Variants in ITPR1 observed in about 807,000 individuals in gnomAD.
ITPR1 encodes inositol 1,4,5-trisphosphate receptor type 1.
In ITPR1, 96 loss-of-function variants were observed where a neutral mutation model predicts 318.4. The observed-to-expected ratio is 0.30, with a 90% CI of 0.26 to 0.36. The LOEUF (loss-of-function observed/expected upper bound fraction) is 0.36, where lower values mean the gene tolerates loss of function less well. Among genes scored for constraint, ITPR1 ranks in the 10% least tolerant of loss-of-function variants. ITPR1 has a pLI of 1.00. For synonymous variants in ITPR1, 1,312 were observed against 1,289.9 expected (o/e 1.02, Z -0.37); for missense variants, 2,440 against 3,460.2 (o/e 0.71, Z 7.40).
rs35795762 is a variant in ITPR1 at position 4,697,315 on chromosome 3, GGTGTGT to G, written c.4407+76_4407+81del. 3.0e-3 allele frequency: 2,598 copies of G among 863,748 alleles called. 5 individuals are homozygous for G. The highest frequency in any genetic ancestry group is 0.016 in the African/African-American group (943 of 60,438). 53.5% of individuals were successfully genotyped at this position (863,748 alleles called of 1,614,324 possible). A position where few individuals can be genotyped will look rare whatever the true frequency, so the allele number is the denominator to read the frequency against. ...GAGGAGGCAGAGTTGGAGAGTGAGA[GGTGTGT>G]GTGTGTGTGTGTGTGTGTGTGTGTG... On this transcript the variant is annotated intron_variant, in intron 34 of 61. Coordinates refer to ENST00000649015, the MANE Select transcript of ITPR1 (RefSeq NM_001378452.1).
At chr3:4,749,817 C>A (rs748491906) in intron 44 of ITPR1, 1 of 152,700 alleles carries the variant, frequency 6.5e-6, no homozygotes, top group Non-Finnish European at 1.5e-5. Flanking sequence ...CCTATAAGCA[C>A]GTGCTCCTTT....
intron 4 of ITPR1, among the ~76,000 whole-genome samples, chr3:4,599,828 C>T (rs987285628): frequency 6.6e-6 from 1 of 152,150 alleles, no homozygotes; most frequent in African/African-American, 2.4e-5. Flanking sequence ...TTGGAGTGGA[C>T]AGTGTCAGGT....
At chr3:4,534,816 T>G (rs1197519036) in intron 4 of ITPR1, among the ~76,000 whole-genome samples, 1 of 152,090 alleles carries the variant, frequency 6.6e-6, no homozygotes, top group African/African-American at 2.4e-5. Context: ...GGTCCTCTCC[T>G]CCCCCTATAA....
rs1356832891 is a variant in ITPR1 at position 4,846,832 on chromosome 3, T to G, written c.*607T>G. 1 of 152,668 alleles carries G rather than the reference T, an allele frequency of 6.6e-6. No individual in the cohort carries two copies. Among genetic ancestry groups the G allele is most frequent in the African/African-American group, 2.4e-5 (1 of 41,458 alleles). The allele number at this position is 152,668 out of a possible 1,614,324, so 9.5% of individuals were successfully genotyped here. Reference sequence around the variant, plus strand: ...CGTCTCCTAGTGATAATGCTCCAAGTCTATGAACTGTTAAATCAGCATTCA... The same window carrying G: ...CGTCTCCTAGTGATAATGCTCCAAGGCTATGAACTGTTAAATCAGCATTCA... On this transcript the variant is annotated 3_prime_UTR_variant, in exon 62 of 62. Coordinates refer to ENST00000649015, the MANE Select transcript of ITPR1 (RefSeq NM_001378452.1).
chr3:4,736,660 G>C (rs960393252), intron 44 of ITPR1, among the ~76,000 whole-genome samples: 1 of 152,206 alleles, frequency 6.6e-6, no homozygotes, highest in Non-Finnish European at 1.5e-5. Flanking sequence ...CGTACACGTT[G>C]GGATTGCTTT....
At chr3:4,642,486 G>T (rs1446063175) in intron 7 of ITPR1, among the ~76,000 whole-genome samples, 1 of 152,186 alleles carries the variant, frequency 6.6e-6, no homozygotes, top group African/African-American at 2.4e-5. Context: ...TGTATGAACA[G>T]CCCATTGCGT....
chr3:4,619,617 CCTGCTCTCCT>C (rs2092529329), intron 4 of ITPR1, among the ~76,000 whole-genome samples: 1 of 43,166 alleles, frequency 2.3e-5, no homozygotes, highest in African/African-American at 1.3e-4. Flanking sequence ...TCTGCCCTCC[CCTGCTCTCCT>C]CTGCTCTCCC....
chr3:4,563,517 TAAA>T (rs1211821199), intron 4 of ITPR1, among the ~76,000 whole-genome samples: 1 of 151,762 alleles, frequency 6.6e-6, no homozygotes, highest in Non-Finnish European at 1.5e-5. Context: ...TCAAAAAAAA[TAAA>T]AAAGCAATTT....
chr3:4,779,723 C>T lies in ITPR1; in HGVS notation c.6387+78C>T. 1 of 994,706 alleles carries T rather than the reference C, an allele frequency of 1.0e-6. No individual in the cohort carries two copies. Among genetic ancestry groups the T allele is most frequent in the East Asian group, 2.5e-5 (1 of 40,142 alleles). 61.6% of individuals were successfully genotyped at this position (994,706 alleles called of 1,614,324 possible). A position where few individuals can be genotyped will look rare whatever the true frequency, so the allele number is the denominator to read the frequency against. Reference sequence around the variant, plus strand: ...TTGGGACAGAGCAGAGGATCTGCTTCCTGGAGCTTTCTTGAAGGTTCCCAA... The same window carrying T: ...TTGGGACAGAGCAGAGGATCTGCTTTCTGGAGCTTTCTTGAAGGTTCCCAA... On this transcript the variant is annotated intron_variant, in intron 49 of 61. Transcript: ENST00000649015. This position sits in a 1 kb window ranked among gnomAD's most constrained non-coding sequence, Gnocchi z 4.0.
At chr3:4,828,716 G>T (rs1460897360) in intron 60 of ITPR1, among the ~76,000 whole-genome samples, 1 of 152,160 alleles carries the variant, frequency 6.6e-6, no homozygotes, top group East Asian at 1.9e-4. Context: ...TCTCTCTGCT[G>T]GGATGAGCCC....
intron 2 of ITPR1, among the ~76,000 whole-genome samples, chr3:4,504,752 G>A (rs149181695): frequency 2.1e-3 from 320 of 152,290 alleles, no homozygotes; most frequent in African/African-American, 7.3e-3. Context: ...AGCAGAGACT[G>A]TTGTAAAGGG....
chr3:4,566,702 C>T (rs1176523693), intron 4 of ITPR1, among the ~76,000 whole-genome samples: 1 of 151,950 alleles, frequency 6.6e-6, no homozygotes, highest in Non-Finnish European at 1.5e-5. Context: ...GAATGCAATG[C>T]AGATTCTTTC....
intron 4 of ITPR1, among the ~76,000 whole-genome samples, chr3:4,590,926 G>A (rs1371859489): frequency 3.3e-5 from 5 of 152,034 alleles, no homozygotes; most frequent in African/African-American, 9.7e-5. Flanking sequence ...GTTTCCTTGT[G>A]TTCATAAGTT....
rs79705752 is a variant in ITPR1 at position 4,644,807 on chromosome 3, G to A, written c.624+573G>A. ...TGTCTGCCTTTCCAAGCTCTGTGAC[G>A]GCAGGTTGGTTACCCGGTCTCCCTG... On this transcript the variant is annotated intron_variant, in intron 8 of 61. Transcript: ENST00000649015. Among the ~76,000 whole-genome samples the A allele has an allele frequency of 3.3e-3, 509 of 152,246 alleles. 4 individuals carry two copies. Among genetic ancestry groups the A allele is most frequent in the African/African-American group, 0.011 (462 of 41,560 alleles).
chr3:4,845,400 C>G (rs922122954), intron 61 of ITPR1, among the ~76,000 whole-genome samples: 1 of 152,080 alleles, frequency 6.6e-6, no homozygotes, highest in African/African-American at 2.4e-5. Flanking sequence ...GTCTAGAGAC[C>G]CATCAACATG....
chr3:4,661,931 C>A (rs373703186), intron 14 of ITPR1, 151 bp from the exon 15 acceptor site: 4 of 574,988 alleles, frequency 7.0e-6, no homozygotes, highest in Non-Finnish European at 1.2e-5. Flanking sequence ...ATTTGGAGTA[C>A]GTCCTTGTAG....
In ITPR1 at chr3:4,754,060, G is replaced by T. The variant is rs933598558; in HGVS notation, c.5545-12470G>T. On this transcript the variant is annotated intron_variant, in intron 44 of 61. Coordinates refer to ENST00000649015, the MANE Select transcript of ITPR1 (RefSeq NM_001378452.1). ...CAAACACAGAAAATGGGGGGGGGGT[G>T]GCAAGGATTATTCTTGGCATCTGTA... Among the ~76,000 whole-genome samples, 147 of 68,482 alleles carry T rather than the reference G, an allele frequency of 2.1e-3. 1 individual carries two copies. The highest frequency in any genetic ancestry group is 5.4e-3 in the African/African-American group (137 of 25,362). 44.9% of individuals were successfully genotyped at this position (68,482 alleles called of 152,430 possible). A position where few individuals can be genotyped will look rare whatever the true frequency, so the allele number is the denominator to read the frequency against.
chr3:4,683,118 A>C (rs975467702), intron 26 of ITPR1, among the ~76,000 whole-genome samples: 1 of 152,238 alleles, frequency 6.6e-6, no homozygotes, highest in African/African-American at 2.4e-5. Flanking sequence ...CACCCTATGT[A>C]GATGTTGAGA....
At chr3:4,532,334 A>G (rs1336194426) in intron 4 of ITPR1, among the ~76,000 whole-genome samples, 1 of 152,144 alleles carries the variant, frequency 6.6e-6, no homozygotes, top group Non-Finnish European at 1.5e-5. Context: ...GTCTGAAGTG[A>G]GACCTGAGAT....
Sources: gnomAD v4.1 joint callset for allele counts (sites outside exome capture counted in the v4.1 genomes callset) on GRCh38, gnomAD v4.1.1 for gene constraint, Gnocchi (gnomAD v3.1) non-coding constraint, MANE v1.5 for transcripts, NCBI Gene and HGNC (gene_info 2026-07-23, HGNC 2026-07-21) for gene names.